FAM114A1: variants seen among roughly 807,000 people sequenced by gnomAD.
FAM114A1 encodes family with sequence similarity 114 member A1.
FAM114A1 carries 62 observed loss-of-function variants against 64.3 expected under a neutral mutation model. The observed-to-expected ratio is 0.96, with a 90% CI of 0.79 to 1.19. The LOEUF (loss-of-function observed/expected upper bound fraction) is 1.19. Among genes scored for constraint, FAM114A1 ranks in the 50% most tolerant of loss-of-function variants. FAM114A1 has a pLI of 0.00. For synonymous variants in FAM114A1, 254 were observed against 251.1 expected, an observed-to-expected ratio of 1.01 and a Z score of -0.11; for missense variants, 645 against 676.3, an observed-to-expected ratio of 0.95 and a Z score of 0.51.
intron 8 of FAM114A1, among the ~76,000 whole-genome samples, chr4:38,918,379 T>C (rs1297757658): frequency 1.3e-5 from 2 of 152,194 alleles, no homozygotes; most frequent in African/African-American, 4.8e-5. Context: ...TGTGTCCGTC[T>C]TGTGGCTCCG....
At chr4:38,908,542 G>A (rs895158202) in intron 6 of FAM114A1, 50 bp from the exon 7 acceptor site, 23 of 1,509,962 alleles carry the variant, frequency 1.5e-5, no homozygotes, top group South Asian at 5.4e-5. Flanking sequence ...TGACTGCTGC[G>A]AAACAGCAAA....
At chr4:38,941,517 G>A (rs184725570) in intron 14 of FAM114A1, among the ~76,000 whole-genome samples, 2 of 152,288 alleles carry the variant, frequency 1.3e-5, no homozygotes, top group African/African-American at 4.8e-5. Context: ...TCACTCTGTG[G>A]CCTGCCCACT....
chr4:38,923,046 T>C lies in FAM114A1; in HGVS notation c.1069+153T>C, dbSNP rs183370348. Among the ~76,000 whole-genome samples the C allele has an allele frequency of 9.5e-4, 145 of 152,298 alleles. 1 individual carries two copies. Among genetic ancestry groups the C allele is most frequent in the South Asian group, 8.3e-3 (40 of 4,824 alleles). ...GTGCATCTGCTCTTGTTACAGGAGC[T>C]GGTCACATTGATTTATAAGACTCTC... On this transcript the variant is annotated intron_variant, in intron 9 of 14. Coordinates refer to ENST00000358869, the MANE Select transcript of FAM114A1 (RefSeq NM_138389.4).
chr4:38,882,745 G>A (rs1159138562), intron 3 of FAM114A1, among the ~76,000 whole-genome samples: 2 of 117,542 alleles, frequency 1.7e-5, no homozygotes, highest in Non-Finnish European at 3.8e-5. Context: ...GCGCATAAAT[G>A]TGTGTGTGGT....
intron 13 of FAM114A1, among the ~76,000 whole-genome samples, chr4:38,937,630 A>G (rs549347671): frequency 6.6e-6 from 1 of 152,268 alleles, no homozygotes; most frequent in African/African-American, 2.4e-5. Context: ...CCATACCAGG[A>G]AGCAATAGAA....
At chr4:38,878,479 C>T (rs756422277) in intron 3 of FAM114A1, 53 bp downstream of exon 3, 17 of 1,492,828 alleles carry the variant, frequency 1.1e-5, no homozygotes, top group African/African-American at 8.4e-5. Context: ...TTATATCTAC[C>T]GTGTGCAGAG....
intron 4 of FAM114A1, among the ~76,000 whole-genome samples, chr4:38,898,802 G>A (rs914056592): frequency 6.6e-6 from 1 of 151,846 alleles, no homozygotes; most frequent in African/African-American, 2.4e-5. Flanking sequence ...GTTGAGCATG[G>A]CAGTATCAAC....
chr4:38,908,380 A>G (rs893347460), intron 6 of FAM114A1, among the ~76,000 whole-genome samples: 1 of 152,236 alleles, frequency 6.6e-6, no homozygotes, highest in Non-Finnish European at 1.5e-5. Context: ...TCAGTCTTTA[A>G]TAACATTGTA....
chr4:38,882,232 A>G (rs1579302276), intron 3 of FAM114A1, among the ~76,000 whole-genome samples: 3 of 140,564 alleles, frequency 2.1e-5, no homozygotes, highest in East Asian at 2.0e-4. Context: ...GAATGGCGTG[A>G]ACCCGGGAAG....
At chr4:38,878,485 C>A in intron 3 of FAM114A1, 59 bp downstream of exon 3, 1 of 1,459,766 alleles carries the variant, frequency 6.9e-7, no homozygotes, top group African/African-American at 1.4e-5. Context: ...CTACCGTGTG[C>A]AGAGCTAGCA....
chr4:38,902,951 T>C (rs991282051), intron 4 of FAM114A1, among the ~76,000 whole-genome samples: 8 of 152,170 alleles, frequency 5.3e-5, no homozygotes, highest in Admixed American at 4.6e-4. Flanking sequence ...TGTGGCACAG[T>C]GTCTAAAATC....
At chr4:38,931,094 A>G (rs559072341) in intron 10 of FAM114A1, among the ~76,000 whole-genome samples, 25 of 152,314 alleles carry the variant, frequency 1.6e-4, no homozygotes, top group African/African-American at 6.0e-4. Flanking sequence ...TTTTAAAAAT[A>G]CTATTATTCT....
At position 38,943,592 on chromosome 4, in the gene FAM114A1, T is replaced by TGG. The variant is rs1721747394; in HGVS notation, c.*36_*37dup. ...ACTCCATCTAGTTAAAGGAGACAGC[T>TGG]GGCCGCCTTGCCTCAATATGTACCA... On this transcript the variant is annotated 3_prime_UTR_variant, in exon 15 of 15. Coordinates refer to ENST00000358869, the MANE Select transcript of FAM114A1 (RefSeq NM_138389.4). 1 of 1,588,928 alleles carries TGG rather than the reference T, an allele frequency of 6.3e-7. No homozygotes were observed. The highest frequency in any genetic ancestry group is 1.7e-5 in the Admixed American group (1 of 59,904).
intron 6 of FAM114A1, among the ~76,000 whole-genome samples, chr4:38,907,367 C>A (rs1350394991): frequency 6.6e-6 from 1 of 152,182 alleles, no homozygotes; most frequent in Admixed American, 6.5e-5. Context: ...GCCTCACATT[C>A]CTTTCTGTGT....
At chr4:38,917,577 T>C (rs1370970774) in intron 8 of FAM114A1, among the ~76,000 whole-genome samples, 1 of 152,102 alleles carries the variant, frequency 6.6e-6, no homozygotes, top group Non-Finnish European at 1.5e-5. Context: ...TTGATTTTTA[T>C]ATGCGTTCTT....
intron 2 of FAM114A1, among the ~76,000 whole-genome samples, chr4:38,875,048 C>G (rs1337174414): frequency 6.6e-6 from 1 of 152,068 alleles, no homozygotes; most frequent in Non-Finnish European, 1.5e-5. Context: ...TATTTTTGTG[C>G]CAGTACCATG....
At chr4:38,923,224 CTT>C (rs55688191) in intron 9 of FAM114A1, among the ~76,000 whole-genome samples, 9 of 131,714 alleles carry the variant, frequency 6.8e-5, no homozygotes, top group Admixed American at 1.6e-4. Flanking sequence ...TATGCTGCCA[CTT>C]TTTTTTTTTT....
intron 3 of FAM114A1, among the ~76,000 whole-genome samples, chr4:38,879,327 CTG>C (rs1440774058): frequency 6.6e-6 from 1 of 152,182 alleles, no homozygotes; most frequent in Non-Finnish European, 1.5e-5. Context: ...TGAGGTGACT[CTG>C]CAGCATGATG....
intron 8 of FAM114A1, among the ~76,000 whole-genome samples, chr4:38,919,951 GTAATCC>G (rs775243510): frequency 6.6e-6 from 1 of 152,210 alleles, no homozygotes; most frequent in Non-Finnish European, 1.5e-5. Flanking sequence ...TGGCACACCT[GTAATCC>G]CAGCACTTTG....
Sources: gnomAD v4.1 joint callset for allele counts (sites outside exome capture counted in the v4.1 genomes callset) on GRCh38, gnomAD v4.1.1 for gene constraint, MANE v1.5 for transcripts, NCBI Gene and HGNC (gene_info 2026-07-23, HGNC 2026-07-21) for gene names.